EPHB2: variants seen among roughly 807,000 people sequenced by gnomAD.
EPHB2 encodes EPH receptor B2, also known as ephrin type-B receptor 2.
EPHB2 carries 18 observed loss-of-function variants against 96.4 expected under a neutral mutation model. That is an observed-to-expected ratio of 0.19 (90% CI 0.13 to 0.28). The LOEUF (loss-of-function observed/expected upper bound fraction) is 0.28, where lower values mean the gene tolerates loss of function less well. Among genes scored for constraint, EPHB2 ranks in the 10% least tolerant of loss-of-function variants. EPHB2 has a pLI of 1.00. For missense variants in EPHB2, 989 were observed against 1,355.4 expected, an observed-to-expected ratio of 0.73 and a Z score of 4.25; for synonymous variants, 506 against 534.1, an observed-to-expected ratio of 0.95 and a Z score of 0.72.
rs559323904 is a variant in EPHB2 at position 22,905,149 on chromosome 1, C to T, written c.1766-838C>T. On this transcript the variant is annotated intron_variant, in intron 9 of 15. Transcript: ENST00000374630. ...TTTTGCCGACTCAGTGCTGGCTGTT[C>T]AGAATTGGGTCTTTGACATCCAGGT... is the stretch of plus-strand genomic sequence containing the variant. Among the ~76,000 whole-genome samples the T allele has an allele frequency of 3.3e-5, 5 of 152,252 alleles. No homozygotes were observed. In the South Asian group the frequency reaches 1.0e-3, roughly 32 times the overall value.
intron 9 of EPHB2, among the ~76,000 whole-genome samples, chr1:22,904,013 C>A (rs1459759201): frequency 6.6e-6 from 1 of 152,148 alleles, no homozygotes; most frequent in Non-Finnish European, 1.5e-5. Flanking sequence ...TCAGGCCAGG[C>A]GCGGTGGCTC....
At chr1:22,805,201 G>A (rs555670696) in intron 3 of EPHB2, among the ~76,000 whole-genome samples, 1 of 152,070 alleles carries the variant, frequency 6.6e-6, no homozygotes, top group African/African-American at 2.4e-5. Flanking sequence ...TGTCCCACAG[G>A]GGGCCTGGCC....
At chr1:22,859,994 G>A (rs1371281069) in intron 3 of EPHB2, among the ~76,000 whole-genome samples, 6 of 152,164 alleles carry the variant, frequency 3.9e-5, no homozygotes, top group Non-Finnish European at 1.5e-5. Flanking sequence ...ATGTGCCTGT[G>A]CTGGGCCTGT....
intron 3 of EPHB2, among the ~76,000 whole-genome samples, chr1:22,801,787 C>A (rs1332809155): frequency 6.6e-6 from 1 of 152,250 alleles, no homozygotes; most frequent in Non-Finnish European, 1.5e-5. Context: ...CTCCCGCCCC[C>A]TCGTGCTGCA....
rs147082060 is a variant in EPHB2 at position 22,878,015 on chromosome 1, C to G, written c.1304-4344C>G. Among the ~76,000 whole-genome samples, 934 of 152,354 alleles carry G rather than the reference C, an allele frequency of 6.1e-3. 4 individuals are homozygous for G. Among genetic ancestry groups the G allele is most frequent in the African/African-American group, 0.02 (851 of 41,588 alleles). ...GTGCTGCAATCTAGAGAGATACATT[C>G]TACAATTGTCCTTTGTTGGGAGGTG... On this transcript the variant is annotated intron_variant, in intron 5 of 15. Transcript: ENST00000374630.
intron 3 of EPHB2, among the ~76,000 whole-genome samples, chr1:22,791,471 C>CTTTTTTTTT (rs55650452): frequency 1.4e-4 from 13 of 92,878 alleles, no homozygotes; most frequent in Non-Finnish European, 1.8e-4. Flanking sequence ...TTCTTTCTTT[C>CTTTTTTTTT]TTTTTTTTTT....
intron 1 of EPHB2, among the ~76,000 whole-genome samples, chr1:22,777,590 T>C (rs1309615476): frequency 6.6e-6 from 1 of 152,214 alleles, no homozygotes; most frequent in Non-Finnish European, 1.5e-5. Flanking sequence ...ATTTGACTTT[T>C]GTGCTTAGTT....
In EPHB2 at chr1:22,784,572, G is replaced by A. The variant is rs958854881; in HGVS notation, c.307G>A (p.Val103Met). The A allele has an allele frequency of 1.4e-5, 22 of 1,614,066 alleles. No individual in the cohort carries two copies. The highest frequency in any genetic ancestry group is 6.7e-5 in the East Asian group (3 of 44,900). Residue 103 changes from valine to methionine, a missense_variant, in exon 3 of 16, where the codon GTG (valine) becomes ATG (methionine). Physicochemically the swap from Val to Met is conservative, Grantham distance 21 (BLOSUM62 1). Coordinates refer to ENST00000374630, the MANE Select transcript of EPHB2 (RefSeq NM_017449.5). The surrounding 1 kb of genome is among the most constrained non-coding windows in gnomAD (Gnocchi z 5.1). ...GCGTGACTGCAGCAGCATCCCCAGC[G>A]TGCCTGGCTCCTGCAAGGAGACCTT... ...SVRDCSSIPS[V>M]PGSCKETFNL...
chr1:22,788,920 A>G (rs924059962), intron 3 of EPHB2, among the ~76,000 whole-genome samples: 1 of 151,740 alleles, frequency 6.6e-6, no homozygotes, highest in African/African-American at 2.4e-5. Flanking sequence ...ATGCCCAGCT[A>G]ATTTTTGTAT....
chr1:22,826,333 A>G (rs1338990053), intron 3 of EPHB2, among the ~76,000 whole-genome samples: 1 of 152,210 alleles, frequency 6.6e-6, no homozygotes, highest in Non-Finnish European at 1.5e-5. Context: ...TTCCCAGAAT[A>G]TAGCTCACAC....
At chr1:22,765,738 C>T (rs1318364969) in intron 1 of EPHB2, among the ~76,000 whole-genome samples, 3 of 152,060 alleles carry the variant, frequency 2.0e-5, no homozygotes, top group Admixed American at 6.5e-5. Flanking sequence ...TCAGTCTTTC[C>T]GTCTCTGCAT....
chr1:22,899,704 G>A (rs1360921298), intron 9 of EPHB2, among the ~76,000 whole-genome samples: 3 of 152,132 alleles, frequency 2.0e-5, no homozygotes, highest in Non-Finnish European at 4.4e-5. Context: ...TAAAAATAAA[G>A]GTCATAGGCC....
intron 13 of EPHB2, among the ~76,000 whole-genome samples, chr1:22,910,081 G>T (rs537627429): frequency 3.3e-5 from 5 of 152,308 alleles, no homozygotes; most frequent in South Asian, 2.1e-4. Context: ...GGAGGAGCTG[G>T]TGGAACCAGG....
chr1:22,859,432 G>A (rs922882955), intron 3 of EPHB2, among the ~76,000 whole-genome samples: 1 of 152,108 alleles, frequency 6.6e-6, no homozygotes, highest in Non-Finnish European at 1.5e-5. Flanking sequence ...TTGGGGAGCT[G>A]ATGTGGACAT....
rs1638417930 is a variant in EPHB2, at chr1:22,864,943, C to A, written c.1034C>A (p.Thr345Asn). 1 of 1,603,036 alleles carries A rather than the reference C, an allele frequency of 6.2e-7. No homozygotes were observed. The highest frequency in any genetic ancestry group is 1.1e-5 in the South Asian group (1 of 89,166). ...GAGACCTCCCTCATGCTGGAGTGGA[C>A]CCCTCCCCGCGACTCCGGAGGCCGA... ...VNETSLMLEW[T>N]PPRDSGGRED... is the part of the protein sequence containing the mutation. The change falls in exon 5 of 16, where the codon ACC (threonine) becomes AAC (asparagine). Residue 345 changes from threonine to asparagine, a missense_variant. Transcript: ENST00000374630.
chr1:22,717,045 G>A (rs988214581), intron 1 of EPHB2, among the ~76,000 whole-genome samples: 9 of 152,132 alleles, frequency 5.9e-5, no homozygotes, highest in East Asian at 5.8e-4. Context: ...GCCCCCCAGC[G>A]GCCTATGATA....
chr1:22,912,865 G>C (rs149958882), intron 15 of EPHB2: 3 of 489,696 alleles, frequency 6.1e-6, no homozygotes, highest in South Asian at 3.9e-5. Context: ...TGGTAGGAAG[G>C]TTGAGGGAGA....
At chr1:22,812,491 C>T (rs938834982) in intron 3 of EPHB2, among the ~76,000 whole-genome samples, 2 of 151,200 alleles carry the variant, frequency 1.3e-5, no homozygotes, top group African/African-American at 4.9e-5. Flanking sequence ...CAGACCCACC[C>T]GGTTGAGTGG....
Position 22,855,141 on chromosome 1 carries a change from TTG to T in EPHB2, c.812-7890_812-7889del, listed in dbSNP as rs1199913377. Among the ~76,000 whole-genome samples the T allele has an allele frequency of 9.9e-5, 15 of 152,164 alleles. 1 individual carries two copies. The highest frequency in any genetic ancestry group is 2.9e-5 in the Non-Finnish European group (2 of 68,024). ...TTGTGGATTGAATGATTGGATTGAA[TTG>T]TGTGTATCAATCCGTTCAAATCCAG... is the stretch of plus-strand genomic sequence containing the variant. On this transcript the variant is annotated intron_variant, in intron 3 of 15. Coordinates refer to ENST00000374630, the MANE Select transcript of EPHB2 (RefSeq NM_017449.5).
Sources: gnomAD v4.1 joint callset for allele counts (sites outside exome capture counted in the v4.1 genomes callset) on GRCh38, gnomAD v4.1.1 for gene constraint, Gnocchi (gnomAD v3.1) non-coding constraint, MANE v1.5 for transcripts, NCBI Gene and HGNC (gene_info 2026-07-23, HGNC 2026-07-21) for gene names.